PKHD1: variants seen among roughly 807,000 people sequenced by gnomAD.
PKHD1 encodes fibrocystin.
PKHD1 carries 291 observed loss-of-function variants against 412.0 expected under a neutral mutation model. The ratio of observed to expected loss-of-function variants is 0.71; its 90% confidence interval spans 0.64 to 0.78. PKHD1 has a LOEUF of 0.78. Ranked by LOEUF, PKHD1 falls within the 30% of genes least tolerant of loss-of-function variation. PKHD1 has a pLI of 0.00. For synonymous variants in PKHD1, 1,777 were observed against 1,821.5 expected, an observed-to-expected ratio of 0.98 and a Z score of 0.62; for missense variants, 4,825 against 4,950.7, an observed-to-expected ratio of 0.97 and a Z score of 0.76.
At chr6:52,027,388 C>T (rs192772254) in intron 31 of PKHD1, among the ~76,000 whole-genome samples, 21 of 151,906 alleles carry the variant, frequency 1.4e-4, no homozygotes, top group Admixed American at 3.3e-4. Flanking sequence ...AAAAATTAGC[C>T]AGGCATGATG....
intron 29 of PKHD1, 105 bp from the exon 30 acceptor site, chr6:52,028,456 T>C (rs999738881): frequency 8.0e-6 from 8 of 1,005,380 alleles, no homozygotes; most frequent in Admixed American, 7.6e-5. Flanking sequence ...CAGTCACCCC[T>C]ATGCATAATA....
At chr6:52,033,276 T>C (rs1434266803) in intron 28 of PKHD1, 111 bp from the exon 29 acceptor site, 1 of 890,584 alleles carries the variant, frequency 1.1e-6, no homozygotes, top group African/African-American at 1.7e-5. Flanking sequence ...TTAAGAAAGT[T>C]GTTCCTAAAG....
intron 60 of PKHD1, among the ~76,000 whole-genome samples, chr6:51,666,158 G>A (rs1456135861): frequency 2.6e-5 from 4 of 151,938 alleles, no homozygotes; most frequent in African/African-American, 4.8e-5. Context: ...ACAATGTGAG[G>A]GAACCATTCC....
chr6:52,079,733 A>T (rs1296972313), intron 5 of PKHD1, among the ~76,000 whole-genome samples, 167 bp downstream of exon 5: 1 of 152,220 alleles, frequency 6.6e-6, no homozygotes, highest in Non-Finnish European at 1.5e-5. Context: ...CAAACGTTCA[A>T]AATTCATCTT....
intron 35 of PKHD1, among the ~76,000 whole-genome samples, chr6:51,981,345 C>G (rs1216248360): frequency 3.1e-5 from 3 of 95,730 alleles, no homozygotes; most frequent in East Asian, 3.0e-4. Flanking sequence ...CTCTCCCTCT[C>G]CCTCTCCCTC....
At position 51,845,476 on chromosome 6, in the gene PKHD1, C is replaced by G. The variant is rs183231020; in HGVS notation, c.8107+2299G>C. 4.6e-5 allele frequency among the ~76,000 whole-genome samples: 7 copies of G among 152,274 alleles called. No homozygotes were observed. The East Asian group carries it at 1.2e-3, about 25-fold the overall frequency. ...GAATCCCTTCAAGAAGCAAGAGTCT[C>G]CAAGTTTGTTAAACATTCAACAAAT... On this transcript the variant is annotated intron_variant, in intron 50 of 66. Transcript: ENST00000371117.
intron 33 of PKHD1, among the ~76,000 whole-genome samples, chr6:52,018,912 G>T (rs1275084594): frequency 6.6e-6 from 1 of 152,088 alleles, no homozygotes; most frequent in Non-Finnish European, 1.5e-5. Context: ...TGGGTTGTTT[G>T]TCTTATTGAC....
chr6:51,985,824 T>C (rs747063125), intron 35 of PKHD1, among the ~76,000 whole-genome samples: 1 of 152,226 alleles, frequency 6.6e-6, no homozygotes, highest in Non-Finnish European at 1.5e-5. Context: ...TGATACATAA[T>C]AATTATACAT....
intron 60 of PKHD1, among the ~76,000 whole-genome samples, chr6:51,733,988 C>T (rs1783536775): frequency 6.6e-6 from 1 of 152,208 alleles, no homozygotes. Context: ...ATCAAAGGCA[C>T]TACAATCTTG....
chr6:51,740,096 G>T, intron 60 of PKHD1: 2 of 499,954 alleles, frequency 4.0e-6, no homozygotes, highest in Non-Finnish European at 8.0e-6. Context: ...AAATGTAAAT[G>T]GTTCTCAGAA....
intron 53 of PKHD1, among the ~76,000 whole-genome samples, chr6:51,780,611 T>A (rs1791832885): frequency 6.6e-6 from 1 of 152,088 alleles, no homozygotes. Context: ...CTCAATCATA[T>A]CATAAAAAAG....
intron 46 of PKHD1, among the ~76,000 whole-genome samples, chr6:51,880,807 A>AAC (rs1777175652): frequency 1.4e-5 from 1 of 70,404 alleles, no homozygotes; most frequent in African/African-American, 5.1e-5. Flanking sequence ...AAAAAAAAAA[A>AAC]CACAAAAAAT....
chr6:51,649,336 A>G, intron 61 of PKHD1, 116 bp from the exon 62 acceptor site: 1 of 776,924 alleles, frequency 1.3e-6, no homozygotes, highest in Admixed American at 1.9e-5. Context: ...CTGTGTTTCT[A>G]GAAAATAATA....
At chr6:51,863,975 G>A (rs186883650) in intron 48 of PKHD1, among the ~76,000 whole-genome samples, 284 of 152,154 alleles carry the variant, frequency 1.9e-3, no homozygotes, top group African/African-American at 6.4e-3. Flanking sequence ...AAGGACAGAC[G>A]GACAATTTAG....
intron 37 of PKHD1, among the ~76,000 whole-genome samples, chr6:51,914,870 T>C (rs1783534961): frequency 6.6e-6 from 1 of 152,078 alleles, no homozygotes; most frequent in South Asian, 2.1e-4. Context: ...TCATCTATCC[T>C]TTTAAAGCAC....
At chr6:51,968,581 T>C (rs943007161) in intron 35 of PKHD1, among the ~76,000 whole-genome samples, 4 of 152,122 alleles carry the variant, frequency 2.6e-5, no homozygotes, top group Non-Finnish European at 4.4e-5. Flanking sequence ...TAATACTGAA[T>C]ATAGGGCTGG....
intron 4 of PKHD1, among the ~76,000 whole-genome samples, chr6:52,080,807 A>G (rs1401295749): frequency 1.3e-5 from 2 of 152,210 alleles, no homozygotes; most frequent in Non-Finnish European, 2.9e-5. Flanking sequence ...TTATTAATTT[A>G]TATAGATTAC....
At chr6:51,620,472 T>G (rs1036524571) in intron 66 of PKHD1, among the ~76,000 whole-genome samples, 2 of 152,096 alleles carry the variant, frequency 1.3e-5, no homozygotes, top group African/African-American at 4.8e-5. Flanking sequence ...AGGTTGAACT[T>G]GTCCTAAACC....
intron 35 of PKHD1, among the ~76,000 whole-genome samples, chr6:52,001,083 G>T (rs1332707797): frequency 6.6e-6 from 1 of 152,024 alleles, no homozygotes; most frequent in African/African-American, 2.4e-5. Flanking sequence ...GAAATTCAAA[G>T]TTGAATTATT....
Sources: gnomAD v4.1 joint callset for allele counts (sites outside exome capture counted in the v4.1 genomes callset) on GRCh38, gnomAD v4.1.1 for gene constraint, MANE v1.5 for transcripts, NCBI Gene and HGNC (gene_info 2026-07-23, HGNC 2026-07-21) for gene names.